Variants in GALNTL6 observed in about 807,000 individuals in gnomAD.
The protein encoded by GALNTL6 is polypeptide N-acetylgalactosaminyltransferase-like 6.
Under a neutral mutation model 73.7 loss-of-function variants are expected in GALNTL6, and 46 were observed. The observed-to-expected ratio is 0.62, with a 90% confidence interval of 0.49 to 0.80. The LOEUF is 0.80. Among genes scored for constraint, GALNTL6 ranks in the 30% least tolerant of loss-of-function variants. GALNTL6 has a pLI of 0.00. For missense variants in GALNTL6, 604 were observed against 755.0 expected (o/e 0.80, Z 2.34); for synonymous variants, 259 against 263.7 (o/e 0.98, Z 0.17).
At chr4:172,211,872 G>A (rs1483605199) in intron 2 of GALNTL6, among the ~76,000 whole-genome samples, 22 of 151,968 alleles carry the variant, frequency 1.4e-4, no homozygotes, top group Admixed American at 1.2e-3. Context: ...CATTCATGAG[G>A]GTGAAAACTT....
chr4:172,679,214 C>A (rs1410689125), intron 5 of GALNTL6, among the ~76,000 whole-genome samples: 1 of 152,152 alleles, frequency 6.6e-6, no homozygotes, highest in Non-Finnish European at 1.5e-5. Context: ...GAGTTCAAAA[C>A]CAGCCTGGCC....
intron 2 of GALNTL6, among the ~76,000 whole-genome samples, chr4:171,943,816 G>C (rs1258100657): frequency 6.6e-6 from 1 of 152,054 alleles, no homozygotes; most frequent in African/African-American, 2.4e-5. Context: ...GCTCCCTTAG[G>C]ATTTCTATAG....
At chr4:172,452,527 G>T (rs574691786) in intron 5 of GALNTL6, among the ~76,000 whole-genome samples, 18 of 152,198 alleles carry the variant, frequency 1.2e-4, no homozygotes, top group Admixed American at 2.6e-4. Context: ...GTTGTTCTGT[G>T]TTACCAAGGA....
intron 2 of GALNTL6, among the ~76,000 whole-genome samples, chr4:172,215,656 T>C (rs922685057): frequency 2.6e-5 from 4 of 152,132 alleles, no homozygotes; most frequent in Non-Finnish European, 5.9e-5. Flanking sequence ...AATTATGTTT[T>C]TATATCCACT....
At chr4:172,725,911 G>C (rs537993341) in intron 5 of GALNTL6, among the ~76,000 whole-genome samples, 2 of 152,336 alleles carry the variant, frequency 1.3e-5, no homozygotes, top group African/African-American at 4.8e-5. Context: ...ATTTCATAAG[G>C]TTGTTGTGAG....
chr4:172,042,848 G>A (rs533349569), intron 2 of GALNTL6, among the ~76,000 whole-genome samples: 12 of 83,136 alleles, frequency 1.4e-4, no homozygotes, highest in East Asian at 7.9e-4. Context: ...TGTTCTATCC[G>A]AGCAATCTTT....
intron 5 of GALNTL6, among the ~76,000 whole-genome samples, chr4:172,644,302 TACACATAC>T (rs966585876): frequency 2.6e-5 from 4 of 151,170 alleles, no homozygotes; most frequent in African/African-American, 4.9e-5. Context: ...CATATACATA[TACACATAC>T]ACACATACAC....
At chr4:172,878,633 A>G (rs1243708603) in intron 7 of GALNTL6, among the ~76,000 whole-genome samples, 2 of 151,878 alleles carry the variant, frequency 1.3e-5, no homozygotes, top group South Asian at 2.1e-4. Context: ...TGAAGAAACA[A>G]GGAGTTTTTT....
At chr4:172,672,191 A>C (rs1426817646) in intron 5 of GALNTL6, among the ~76,000 whole-genome samples, 1 of 152,196 alleles carries the variant, frequency 6.6e-6, no homozygotes, top group African/African-American at 2.4e-5. Context: ...ATGCCTGACC[A>C]ATACCTAGTT....
At chr4:172,339,421 G>T (rs1741478916) in intron 4 of GALNTL6, among the ~76,000 whole-genome samples, 1 of 152,030 alleles carries the variant, frequency 6.6e-6, no homozygotes, top group Non-Finnish European at 1.5e-5. Flanking sequence ...TACAATTCCA[G>T]TGCCTACTCC....
intron 5 of GALNTL6, among the ~76,000 whole-genome samples, chr4:172,533,772 A>G (rs1735250308): frequency 6.6e-6 from 1 of 152,180 alleles, no homozygotes; most frequent in African/African-American, 2.4e-5. Context: ...ATGATGTTAT[A>G]GGAAAAATTC....
chr4:172,213,158 T>C (rs1429532875), intron 2 of GALNTL6, among the ~76,000 whole-genome samples: 1 of 152,222 alleles, frequency 6.6e-6, no homozygotes, highest in Non-Finnish European at 1.5e-5. Context: ...TTCCATTGTA[T>C]AGATGTTCCA....
Position 172,233,962 on chromosome 4 carries a change from T to A in GALNTL6, c.247+4198T>A, listed in dbSNP as rs116354147. On this transcript the variant is annotated intron_variant, in intron 3 of 12. Coordinates refer to ENST00000506823, the MANE Select transcript of GALNTL6 (RefSeq NM_001034845.3). ...ATTTAAGGATGGCTTTGTAATTTTGTTCTCAGATTATGTTTAGTATTAATC... is the reference window on the plus strand; with the variant it reads ...ATTTAAGGATGGCTTTGTAATTTTGATCTCAGATTATGTTTAGTATTAATC... Among the ~76,000 whole-genome samples the A allele has an allele frequency of 4.3e-3, 653 of 152,154 alleles. 7 individuals are homozygous for A. The highest frequency in any genetic ancestry group is 0.015 in the African/African-American group (626 of 41,568).
chr4:172,512,075 T>C (rs1734450664), intron 5 of GALNTL6, among the ~76,000 whole-genome samples: 1 of 55,318 alleles, frequency 1.8e-5, no homozygotes, highest in African/African-American at 4.5e-5. Flanking sequence ...ATGTATCTCA[T>C]TTCTTATGTC....
At chr4:171,829,275 C>T (rs1336882200) in intron 2 of GALNTL6, among the ~76,000 whole-genome samples, 3 of 152,088 alleles carry the variant, frequency 2.0e-5, no homozygotes, top group African/African-American at 7.2e-5. Context: ...CTGTGAGACA[C>T]CCTCAGAAGG....
chr4:172,897,154 C>T lies in GALNTL6; in HGVS notation c.1041+14247C>T, dbSNP rs139636623. Among the ~76,000 whole-genome samples, 279 of 152,300 alleles carry T rather than the reference C, an allele frequency of 1.8e-3. 2 individuals are homozygous for T. Among genetic ancestry groups the T allele is most frequent in the African/African-American group, 6.1e-3 (253 of 41,576 alleles). ...GGTGAAAGCTGAGACTGAGCCCCCT[C>T]GGGGAGCTGCTATGGGTAGAGGCTG... On this transcript the variant is annotated intron_variant, in intron 8 of 12. Transcript: ENST00000506823.
At chr4:172,967,024 T>A (rs1444836149) in intron 10 of GALNTL6, among the ~76,000 whole-genome samples, 1 of 152,224 alleles carries the variant, frequency 6.6e-6, no homozygotes, top group Non-Finnish European at 1.5e-5. Context: ...GTGCTCCCCA[T>A]CGGCCTCCGT....
chr4:172,107,596 T>C (rs533935017), intron 2 of GALNTL6, among the ~76,000 whole-genome samples: 62 of 145,978 alleles, frequency 4.2e-4, no homozygotes, highest in African/African-American at 1.6e-3. Context: ...AAACACCGCA[T>C]GTTCTCACTC....
At chr4:172,231,430 C>CAAATTTATT (rs1331849517) in intron 3 of GALNTL6, among the ~76,000 whole-genome samples, 4 of 152,166 alleles carry the variant, frequency 2.6e-5, no homozygotes, top group Non-Finnish European at 4.4e-5. Context: ...TGAGTTCCTA[C>CAAATTTATT]AAATTTATTA....
Sources: allele counts gnomAD v4.1 joint callset (sites outside exome capture counted in the v4.1 genomes callset), GRCh38; gene constraint gnomAD v4.1.1; transcripts MANE v1.5; gene names NCBI Gene and HGNC (gene_info 2026-07-23, HGNC 2026-07-21).